PTPRE: variants seen among roughly 807,000 people sequenced by gnomAD.
PTPRE encodes the protein protein tyrosine phosphatase receptor type E, also known as receptor-type tyrosine-protein phosphatase epsilon.
PTPRE carries 51 observed loss-of-function variants against 102.0 expected under a neutral mutation model. The observed-to-expected ratio is 0.50, with a 90% CI of 0.40 to 0.63. The LOEUF (loss-of-function observed/expected upper bound fraction) is 0.63, where lower values mean the gene tolerates loss of function less well. Among genes scored for constraint, PTPRE ranks in the 30% least tolerant of loss-of-function variants. The pLI is 0.00. For missense variants in PTPRE, 752 were observed against 915.1 expected (o/e 0.82, Z 2.30); for synonymous variants, 345 against 348.2 (o/e 0.99, Z 0.10).
intron 2 of PTPRE, among the ~76,000 whole-genome samples, chr10:128,035,222 C>T (rs768899533): frequency 1.3e-5 from 2 of 151,838 alleles, no homozygotes; most frequent in East Asian, 1.9e-4. Flanking sequence ...GAGCTCAAAG[C>T]GATCTGTCGG....
At chr10:127,969,081 A>G (rs1433755182) in intron 1 of PTPRE, among the ~76,000 whole-genome samples, 2 of 152,220 alleles carry the variant, frequency 1.3e-5, no homozygotes, top group Non-Finnish European at 2.9e-5. Context: ...TCCCCTTTCT[A>G]TTTCCATAGC....
chr10:128,006,739 G>A (rs185063135), intron 2 of PTPRE, among the ~76,000 whole-genome samples: 13 of 152,250 alleles, frequency 8.5e-5, no homozygotes, highest in African/African-American at 2.4e-4. Context: ...AACATAGTCC[G>A]GGTGAATGAA....
At chr10:128,053,952 G>T (rs1848749855) in intron 6 of PTPRE, among the ~76,000 whole-genome samples, 1 of 151,922 alleles carries the variant, frequency 6.6e-6, no homozygotes, top group South Asian at 2.1e-4. Flanking sequence ...GTAGAGACGG[G>T]GTTTCACCAT....
In PTPRE at chr10:128,063,030, C is replaced by T. The variant is rs1010918416; in HGVS notation, c.626-53C>T. ...GGCCAGGGTGCCGGGGCTGGGACCC[C>T]AAAGGGACTTCCCTTCATGCCTTTT... On this transcript the variant is annotated intron_variant, in intron 9 of 20. Coordinates refer to ENST00000254667, the MANE Select transcript of PTPRE (RefSeq NM_006504.6). The T allele has an allele frequency of 2.9e-5, 46 of 1,608,396 alleles. No homozygotes were observed. In the African/African-American group the frequency reaches 4.3e-4, roughly 15 times the overall value.
intron 6 of PTPRE, among the ~76,000 whole-genome samples, chr10:128,051,963 A>T (rs1848599731): frequency 6.6e-6 from 1 of 152,178 alleles, no homozygotes; most frequent in Admixed American, 6.5e-5. Context: ...TCCCAGCTCA[A>T]GTGATCCTCC....
At chr10:127,943,502 G>A (rs969094378) in intron 1 of PTPRE, among the ~76,000 whole-genome samples, 5 of 152,160 alleles carry the variant, frequency 3.3e-5, no homozygotes, top group African/African-American at 9.7e-5. Flanking sequence ...ACGGCTACCT[G>A]AGCCTCTGAG....
At chr10:128,023,593 T>G (rs10734068) in intron 2 of PTPRE, among the ~76,000 whole-genome samples, 87,733 of 152,062 alleles carry the variant, frequency 0.58, 25,592 homozygotes, top group East Asian at 0.62. Context: ...TAGGTACATA[T>G]GTATAGGAAA....
At chr10:128,059,745 T>C (rs1204152493) in intron 7 of PTPRE, among the ~76,000 whole-genome samples, 2 of 152,104 alleles carry the variant, frequency 1.3e-5, no homozygotes, top group African/African-American at 4.8e-5. Context: ...CCCATGAAAA[T>C]GTCTTCATTT....
chr10:128,048,747 C>T (rs1410976299), intron 5 of PTPRE, among the ~76,000 whole-genome samples: 2 of 152,186 alleles, frequency 1.3e-5, no homozygotes, highest in Admixed American at 6.5e-5. Context: ...CTCAGCATCA[C>T]TCATTCTGAT....
At chr10:128,001,201 T>TGC (rs1412933661) in intron 2 of PTPRE, among the ~76,000 whole-genome samples, 1 of 151,920 alleles carries the variant, frequency 6.6e-6, no homozygotes, top group African/African-American at 2.4e-5. Context: ...GATCTGAGTG[T>TGC]GTGTGTGTGT....
At chr10:128,065,437 T>A (rs1849997014) in intron 10 of PTPRE, among the ~76,000 whole-genome samples, 1 of 152,174 alleles carries the variant, frequency 6.6e-6, no homozygotes, top group South Asian at 2.1e-4. Context: ...ATGAAAGGGC[T>A]CCTGGAACGT....
At chr10:128,046,918 GCCAGGGCCACAGGCCTCTGCCCAGCC>G (rs1170703387) in intron 3 of PTPRE, among the ~76,000 whole-genome samples, 2 of 152,202 alleles carry the variant, frequency 1.3e-5, no homozygotes, top group Non-Finnish European at 2.9e-5. Context: ...GTCACAGTGC[GCCAGGGCCACAGGCCTCTGCCCAGCC>G]CCAGGGCCAG....
intron 1 of PTPRE, among the ~76,000 whole-genome samples, chr10:127,947,018 CT>C (rs1848668816): frequency 8.7e-6 from 1 of 115,214 alleles, no homozygotes; most frequent in African/African-American, 3.9e-5. Flanking sequence ...GAGACCCTGT[CT>C]CAAAAAAAAA....
intron 1 of PTPRE, chr10:127,929,536 T>C (rs1847265890): frequency 6.7e-6 from 1 of 149,266 alleles, no homozygotes; most frequent in Admixed American, 6.6e-5. Context: ...AAGAATCTGC[T>C]AACTGAGTGT....
intron 1 of PTPRE, among the ~76,000 whole-genome samples, chr10:127,962,724 G>A (rs1849924932): frequency 6.6e-6 from 1 of 152,220 alleles, no homozygotes; most frequent in Non-Finnish European, 1.5e-5. Flanking sequence ...GAGACAGGTT[G>A]GATTGTTATG....
intron 2 of PTPRE, among the ~76,000 whole-genome samples, chr10:127,991,827 G>T (rs912548587): frequency 2.0e-5 from 3 of 152,144 alleles, no homozygotes; most frequent in African/African-American, 7.2e-5. Flanking sequence ...TATTAGAATA[G>T]CACCGGAGGT....
chr10:128,060,060 CACCACACACAT>C (rs1177427662), intron 7 of PTPRE, among the ~76,000 whole-genome samples: 1 of 142,422 alleles, frequency 7.0e-6, no homozygotes, highest in Non-Finnish European at 1.5e-5. Context: ...CACACATACA[CACCACACACAT>C]ACCACACACT....
intron 2 of PTPRE, among the ~76,000 whole-genome samples, chr10:128,007,955 A>G (rs867620999): frequency 1.3e-5 from 2 of 152,178 alleles, no homozygotes; most frequent in South Asian, 4.1e-4. Flanking sequence ...CTACATTGAT[A>G]AACCCTCCTA....
chr10:128,039,127 T>G (rs1047893818), intron 2 of PTPRE, among the ~76,000 whole-genome samples: 2 of 152,242 alleles, frequency 1.3e-5, no homozygotes, highest in Admixed American at 1.3e-4. Flanking sequence ...TCAATTACTC[T>G]GTAATTTACT....
Sources: allele counts gnomAD v4.1 joint callset (sites outside exome capture counted in the v4.1 genomes callset), GRCh38; gene constraint gnomAD v4.1.1; transcripts MANE v1.5; gene names NCBI Gene and HGNC (gene_info 2026-07-23, HGNC 2026-07-21).